Variants in B4GALT7 observed in about 807,000 individuals in gnomAD.
The protein encoded by B4GALT7 is beta-1,4-galactosyltransferase 7, also known as UDP-Gal:beta-GlcNAc beta-1,4-galactosyltransferase 7.
Under a neutral mutation model 33.0 loss-of-function variants are expected in B4GALT7, and 30 were observed. That is an observed-to-expected ratio of 0.91 (90% CI 0.68 to 1.23). B4GALT7 has a LOEUF of 1.23. Ranked by LOEUF, B4GALT7 falls within the 50% of genes most tolerant of loss-of-function variation. The pLI is 0.00. For missense variants in B4GALT7, 507 were observed against 450.8 expected (o/e 1.12, Z -1.13); for synonymous variants, 213 against 187.2 (o/e 1.14, Z -1.13).
Position 177,608,730 on chromosome 5 carries a change from G to A in B4GALT7, c.723+108G>A. ...GGGGTCTGGAGATGGCCCTGATTCTGATCCCTGCCCTAACCCTGCCCTGCA... is the reference window on the plus strand; with the variant it reads ...GGGGTCTGGAGATGGCCCTGATTCTAATCCCTGCCCTAACCCTGCCCTGCA... On this transcript the variant is annotated intron_variant, in intron 4 of 5. Coordinates refer to ENST00000029410, the MANE Select transcript of B4GALT7 (RefSeq NM_007255.3). The surrounding 1 kb of genome is among the most constrained non-coding windows in gnomAD (Gnocchi z 4.1). 8.2e-7 allele frequency: 1 copy of A among 1,214,020 alleles called. No individual in the cohort carries two copies. The highest frequency in any genetic ancestry group is 1.9e-5 in the Admixed American group (1 of 53,424). The allele number at this position is 1,214,020 out of a possible 1,614,324, so 75.2% of individuals were successfully genotyped here.
In B4GALT7 at chr5:177,609,021, G is replaced by T; in HGVS notation, c.828+7G>T. The T allele has an allele frequency of 2.5e-6, 4 of 1,607,792 alleles. No individual in the cohort carries two copies. The highest frequency in any genetic ancestry group is 3.4e-6 in the Non-Finnish European group (4 of 1,178,380). On this transcript the variant is annotated splice_region_variant and intron_variant, in intron 5 of 5. Transcript: ENST00000029410. ...CATCGCAGCTCAAAAACAGGTGCTG[G>T]CAGGGCTCCTCATTGGGGACAGATA...
chr5:177,604,411 C>G lies in B4GALT7; in HGVS notation c.283C>G (p.Leu95Val), dbSNP rs926913315. ...EEDASWGPHR[L>V]AVLVPFRERF... Reference sequence around the variant, plus strand: ...AGACGCATCCTGGGGCCCCCACCGCCTGGCAGTGCTGGTGCCCTTCCGCGA... The same window carrying G: ...AGACGCATCCTGGGGCCCCCACCGCGTGGCAGTGCTGGTGCCCTTCCGCGA... The change falls in exon 2 of 6, where the codon CTG becomes GTG. Residue 95 changes from leucine to valine, a missense_variant. By Grantham distance (32) the Leu-to-Val change is conservative. Transcript: ENST00000029410. The G allele has an allele frequency of 1.9e-5, 31 of 1,613,824 alleles. No individual in the cohort carries two copies. Among genetic ancestry groups the G allele is most frequent in the Non-Finnish European group, 2.6e-5 (31 of 1,179,908 alleles).
chr5:177,604,218 C>T lies in B4GALT7; in HGVS notation c.90C>T (p.Ser30=), dbSNP rs764179307. 28 of 1,613,686 alleles carry T rather than the reference C, an allele frequency of 1.7e-5. No homozygotes were observed. Among genetic ancestry groups the T allele is most frequent in the Admixed American group, 3.3e-5 (2 of 60,018 alleles). ...CCGGCGGCCTCCCTCGGAAGTGTTCCGTCTTCCACCTGTTCGTGGCCTGCC... is the reference window on the plus strand; with the variant it reads ...CCGGCGGCCTCCCTCGGAAGTGTTCTGTCTTCCACCTGTTCGTGGCCTGCC... ...LLSGGLPRKC[S]VFHLFVACLS... is the part of the protein sequence containing the mutation. The change falls in exon 2 of 6, where the codon TCC becomes TCT. Residue 30 remains serine (S), a synonymous_variant. Coordinates refer to ENST00000029410, the MANE Select transcript of B4GALT7 (RefSeq NM_007255.3).
chr5:177,600,707 T>A lies in B4GALT7; in HGVS notation c.50+447T>A, dbSNP rs1767822775. ...GTCTCTGATCCCTGAGGACGTGTAT[T>A]CCGTTTCTCTGGTCTCTGCCTTCCT... On this transcript the variant is annotated intron_variant, in intron 1 of 5. Coordinates refer to ENST00000029410, the MANE Select transcript of B4GALT7 (RefSeq NM_007255.3). This position sits in a 1 kb window ranked among gnomAD's most constrained non-coding sequence, Gnocchi z 4.4. 1.3e-5 allele frequency among the ~76,000 whole-genome samples: 2 copies of A among 152,106 alleles called. No individual in the cohort carries two copies. Among genetic ancestry groups the A allele is most frequent in the Non-Finnish European group, 2.9e-5 (2 of 68,014 alleles).
At position 177,609,522 on chromosome 5, in the gene B4GALT7, T is replaced by C; in HGVS notation, c.829-18T>C. The C allele has an allele frequency of 6.2e-7, 1 of 1,612,578 alleles. No individual in the cohort carries two copies. The highest frequency in any genetic ancestry group is 1.1e-5 in the South Asian group (1 of 91,014). ...CATGCAGCCCTGAGTCCGTGCTCTT[T>C]CCTCTCTTCCTCCCCAGGAGCAGTT... On this transcript the variant is annotated intron_variant, in intron 5 of 5. Coordinates refer to ENST00000029410, the MANE Select transcript of B4GALT7 (RefSeq NM_007255.3).
chr5:177,606,957 C>G lies in B4GALT7; in HGVS notation c.414-345C>G. On this transcript the variant is annotated intron_variant, in intron 2 of 5. Coordinates refer to ENST00000029410, the MANE Select transcript of B4GALT7 (RefSeq NM_007255.3). The surrounding 1 kb of genome is among the most constrained non-coding windows in gnomAD (Gnocchi z 4.2). Reference sequence around the variant, plus strand: ...CCGAGGACAAGAGCCACCTCCACCCCCAGCAAGATCGCCCTCCTTGCCTGC... The same window carrying G: ...CCGAGGACAAGAGCCACCTCCACCCGCAGCAAGATCGCCCTCCTTGCCTGC... 1 of 394,700 alleles carries G rather than the reference C, an allele frequency of 2.5e-6. No homozygotes were observed. The highest frequency in any genetic ancestry group is 4.9e-6 in the Non-Finnish European group (1 of 205,930). The allele number at this position is 394,700 out of a possible 1,614,324, so 24.4% of individuals were successfully genotyped here.
chr5:177,604,137 G>A (rs761624212), intron 1 of B4GALT7, 42 bp from the exon 2 acceptor site: 7 of 1,611,990 alleles, frequency 4.3e-6, no homozygotes, highest in Non-Finnish European at 5.1e-6. Context: ...CACAGGGCCA[G>A]CCCTGCCCCG....
intron 2 of B4GALT7, chr5:177,605,974 T>G (rs971474882): frequency 6.6e-6 from 1 of 152,462 alleles, no homozygotes; most frequent in Non-Finnish European, 1.5e-5. Flanking sequence ...GCCAGCAGCA[T>G]CTTCTTTCGT....
intron 1 of B4GALT7, chr5:177,601,453 G>A (rs1312187973): frequency 6.6e-6 from 1 of 152,246 alleles, no homozygotes; most frequent in African/African-American, 2.4e-5. Flanking sequence ...CAGAGCAGCT[G>A]AGGATTCAAA....
rs1324607664 is a variant in B4GALT7 at position 177,604,325 on chromosome 5, AG to A, written c.199del (p.Glu67ArgfsTer53). ...GCCCGGGCAGTCAGGGGACAAGGGC[AG>A]GAGACCTCGGGCCCTCCCCGTGCCT... ...DVARAVRGQG[Q>X]ETSGPPRACP... is the part of the protein sequence containing the mutation. On this transcript the variant is annotated frameshift_variant, in exon 2 of 6. Transcript: ENST00000029410. LOFTEE classifies it high-confidence loss of function. 1 of 1,610,686 alleles carries A rather than the reference AG, an allele frequency of 6.2e-7. No homozygotes were observed. The highest frequency in any genetic ancestry group is 1.7e-5 in the Admixed American group (1 of 59,750).
chr5:177,609,126 G>T, intron 5 of B4GALT7, 112 bp downstream of exon 5: 1 of 1,021,980 alleles, frequency 9.8e-7, no homozygotes, highest in Non-Finnish European at 1.5e-6. Flanking sequence ...TCCCCTGCTT[G>T]GCCCAGGTCA....
rs941903300 is a variant in B4GALT7 at position 177,609,736 on chromosome 5, T to C, written c.*41T>C. The C allele has an allele frequency of 1.3e-6, 2 of 1,562,274 alleles. No individual in the cohort carries two copies. The highest frequency in any genetic ancestry group is 1.7e-6 in the Non-Finnish European group (2 of 1,153,294). ...AGGAAGCCTGTACCTACAGGCCATATTGCTCAGGCTCAGGACAAGGCCTCA... is the reference window on the plus strand; with the variant it reads ...AGGAAGCCTGTACCTACAGGCCATACTGCTCAGGCTCAGGACAAGGCCTCA... On this transcript the variant is annotated 3_prime_UTR_variant, in exon 6 of 6. Coordinates refer to ENST00000029410, the MANE Select transcript of B4GALT7 (RefSeq NM_007255.3).
Position 177,608,994 on chromosome 5 carries a change from C to T in B4GALT7, c.808C>T (p.Arg270Cys), listed in dbSNP as rs28937869. Residue 270 changes from arginine to cysteine, a missense_variant, in exon 5 of 6, where the codon CGC becomes TGC. By Grantham distance (180) the Arg-to-Cys change is radical. Coordinates refer to ENST00000029410, the MANE Select transcript of B4GALT7 (RefSeq NM_007255.3). The surrounding 1 kb of genome is among the most constrained non-coding windows in gnomAD (Gnocchi z 4.1). ...AGCCTGGCGGAAGAGGGACCAGAAG[C>T]GCATCGCAGCTCAAAAACAGGTGCT... ...DPAWRKRDQK[R>C]IAAQKQEQFK... is the part of the protein sequence containing the mutation. The T allele has an allele frequency of 1.3e-4, 216 of 1,612,206 alleles. No homozygotes were observed. Among genetic ancestry groups the T allele is most frequent in the Non-Finnish European group, 1.7e-4 (206 of 1,179,918 alleles).
intron 1 of B4GALT7, among the ~76,000 whole-genome samples, chr5:177,601,994 G>A (rs1457638713): frequency 2.0e-5 from 3 of 152,168 alleles, no homozygotes; most frequent in East Asian, 3.8e-4. Flanking sequence ...AGTCCACGCC[G>A]TTCCCCTGGA....
chr5:177,604,689 C>T lies in B4GALT7; in HGVS notation c.413+148C>T, dbSNP rs1312497607. ...GTGTGACAGGAACCTTTGGAGAGGG[C>T]CCTGATCTAATTTCCATTTTGAAAA... On this transcript the variant is annotated intron_variant, in intron 2 of 5. Transcript: ENST00000029410. 5.1e-5 allele frequency: 54 copies of T among 1,057,590 alleles called. No individual in the cohort carries two copies. The African/African-American group carries it at 8.1e-4, about 16-fold the overall frequency. 65.5% of individuals were successfully genotyped at this position (1,057,590 alleles called of 1,614,324 possible).
intron 1 of B4GALT7, chr5:177,602,834 A>AT: frequency 1.0e-6 from 1 of 983,382 alleles, no homozygotes; most frequent in Non-Finnish European, 1.2e-6. Context: ...GGCAAGGAAC[A>AT]GATGAGTGAG....
rs983809337 is a variant in B4GALT7, at chr5:177,600,998, C to T, written c.50+738C>T. ...CAGAATGGGGAAAGCGATTTGACTG[C>T]CTCCATTCGTGGGGCACTTGAGATG... On this transcript the variant is annotated intron_variant, in intron 1 of 5. Transcript: ENST00000029410. This position sits in a 1 kb window ranked among gnomAD's most constrained non-coding sequence, Gnocchi z 4.4. Among the ~76,000 whole-genome samples, 27 of 152,216 alleles carry T rather than the reference C, an allele frequency of 1.8e-4. No homozygotes were observed. Among genetic ancestry groups the T allele is most frequent in the African/African-American group, 5.5e-4 (23 of 41,448 alleles).
At position 177,608,536 on chromosome 5, in the gene B4GALT7, C is replaced by T. The variant is rs1768082543; in HGVS notation, c.640-3C>T. 1.9e-6 allele frequency: 3 copies of T among 1,611,876 alleles called. No individual in the cohort carries two copies. The highest frequency in any genetic ancestry group is 2.5e-6 in the Non-Finnish European group (3 of 1,178,740). The stretch of plus-strand genomic sequence containing the variant: ...CGAGTGACGCTGCTTGTCTCTGTGT[C>T]AGTGCAATGGGATGTCCAACCGCTT... On this transcript the variant is annotated splice_region_variant and splice_polypyrimidine_tract_variant and intron_variant, in intron 3 of 5. Transcript: ENST00000029410. This position sits in a 1 kb window ranked among gnomAD's most constrained non-coding sequence, Gnocchi z 4.1.
Position 177,609,019 on chromosome 5 carries a change from T to A in B4GALT7, c.828+5T>A, listed in dbSNP as rs1368620536. On this transcript the variant is annotated splice_donor_5th_base_variant and intron_variant, in intron 5 of 5. Transcript: ENST00000029410. The stretch of plus-strand genomic sequence containing the variant: ...CGCATCGCAGCTCAAAAACAGGTGC[T>A]GGCAGGGCTCCTCATTGGGGACAGA... The A allele has an allele frequency of 1.2e-6, 2 of 1,608,626 alleles. No homozygotes were observed. Among genetic ancestry groups the A allele is most frequent in the Non-Finnish European group, 1.7e-6 (2 of 1,178,808 alleles).
Sources: gnomAD v4.1 joint callset for allele counts (sites outside exome capture counted in the v4.1 genomes callset) on GRCh38, gnomAD v4.1.1 for gene constraint, Gnocchi (gnomAD v3.1) non-coding constraint, MANE v1.5 for transcripts, NCBI Gene and HGNC (gene_info 2026-07-23, HGNC 2026-07-21) for gene names.